CSMD1: variants seen among roughly 807,000 people sequenced by gnomAD.
CSMD1 encodes the protein CUB and Sushi multiple domains 1.
In CSMD1, 213 loss-of-function variants were observed where a neutral mutation model predicts 417.5. The ratio of observed to expected loss-of-function variants is 0.51; its 90% CI spans 0.46 to 0.57. CSMD1 has a LOEUF of 0.57. Ranked by LOEUF, CSMD1 falls within the 20% of genes least tolerant of loss-of-function variation. The pLI, the probability that CSMD1 is intolerant of heterozygous loss-of-function variation, is 0.00. For synonymous variants in CSMD1, 2,862 were observed against 1,736.8 expected (o/e 1.65, Z -16.11); for missense variants, 6,923 against 4,529.7 (o/e 1.53, Z -15.17).
intron 57 of CSMD1, among the ~76,000 whole-genome samples, chr8:2,970,983 T>C (rs1471019979): frequency 1.3e-5 from 2 of 152,154 alleles, no homozygotes; most frequent in Non-Finnish European, 2.9e-5. Context: ...GCTCACTTTT[T>C]CTCCCTCTGT....
At chr8:3,582,699 A>C (rs1800434715) in intron 9 of CSMD1, among the ~76,000 whole-genome samples, 1 of 152,248 alleles carries the variant, frequency 6.6e-6, no homozygotes, top group Admixed American at 6.5e-5. Context: ...AGTATGAAAA[A>C]AAGAAAATAT....
intron 2 of CSMD1, among the ~76,000 whole-genome samples, chr8:4,485,320 C>T (rs1432249736): frequency 3.3e-5 from 5 of 152,166 alleles, no homozygotes; most frequent in South Asian, 2.1e-4. Context: ...TTTTACCAAC[C>T]AAACTCTTCA....
chr8:4,718,441 G>GAATGAA (rs1157757524), intron 1 of CSMD1, among the ~76,000 whole-genome samples: 1 of 152,008 alleles, frequency 6.6e-6, no homozygotes, highest in Non-Finnish European at 1.5e-5. Flanking sequence ...TCTTAAGCAG[G>GAATGAA]AATGAAATCT....
At chr8:3,785,414 AG>A (rs1490978949) in intron 5 of CSMD1, among the ~76,000 whole-genome samples, 1 of 152,206 alleles carries the variant, frequency 6.6e-6, no homozygotes, top group Non-Finnish European at 1.5e-5. Context: ...GTGAGAGGTC[AG>A]GCTAAGCAGC....
intron 29 of CSMD1, among the ~76,000 whole-genome samples, chr8:3,215,423 G>A (rs954168947): frequency 6.6e-6 from 1 of 152,120 alleles, no homozygotes; most frequent in African/African-American, 2.4e-5. Context: ...TACCAGACAT[G>A]GAACTAGGTG....
At chr8:4,828,316 T>C (rs1027116352) in intron 1 of CSMD1, among the ~76,000 whole-genome samples, 2 of 152,204 alleles carry the variant, frequency 1.3e-5, no homozygotes, top group Admixed American at 1.3e-4. Context: ...GTGCTGACTT[T>C]TCTTATAGCC....
rs549511320 is a variant in CSMD1, at chr8:4,645,444, CAAAAA to C, written c.86-7891_86-7887del. On this transcript the variant is annotated intron_variant, in intron 1 of 69. Coordinates refer to ENST00000635120, the MANE Select transcript of CSMD1 (RefSeq NM_033225.6). Reference sequence around the variant, plus strand: ...CAAGACAGCAGGTGTAGTGCAGGGGCAAAAAAAAAAAAAAAAAAAAAAAGGCAAGC... The same window carrying C: ...CAAGACAGCAGGTGTAGTGCAGGGGCAAAAAAAAAAAAAAAAAAGGCAAGC... Among the ~76,000 whole-genome samples the C allele has an allele frequency of 3.4e-3, 126 of 36,852 alleles. 1 individual carries two copies. In the East Asian group the frequency reaches 0.076, roughly 22 times the overall value. The allele number at this position is 36,852 out of a possible 152,430, so 24.2% of individuals were successfully genotyped here. A position where few individuals can be genotyped will look rare whatever the true frequency, so the allele number is the denominator to read the frequency against.
intron 3 of CSMD1, among the ~76,000 whole-genome samples, chr8:4,409,466 GCCTATCTA>G (rs1254102842): frequency 6.6e-6 from 1 of 152,050 alleles, no homozygotes; most frequent in Non-Finnish European, 1.5e-5. Flanking sequence ...CAGCAAGAAT[GCCTATCTA>G]CCTAAGTTGA....
chr8:4,661,950 A>G (rs796219450), intron 1 of CSMD1, among the ~76,000 whole-genome samples: 2 of 152,326 alleles, frequency 1.3e-5, no homozygotes, highest in African/African-American at 4.8e-5. Flanking sequence ...CAGTTTCTAC[A>G]TAGTTACAGA....
intron 26 of CSMD1, among the ~76,000 whole-genome samples, chr8:3,246,632 C>T (rs1350779709): frequency 1.3e-5 from 2 of 152,096 alleles, no homozygotes; most frequent in African/African-American, 2.4e-5. Flanking sequence ...CTGCCCTACC[C>T]AGCTAATTTT....
At chr8:4,105,285 A>G (rs768565293) in intron 3 of CSMD1, among the ~76,000 whole-genome samples, 3 of 152,178 alleles carry the variant, frequency 2.0e-5, no homozygotes, top group Non-Finnish European at 4.4e-5. Context: ...TGGAATTTTC[A>G]TTTTAACTTC....
At chr8:3,462,256 C>T (rs1816553464) in intron 12 of CSMD1, among the ~76,000 whole-genome samples, 1 of 152,140 alleles carries the variant, frequency 6.6e-6, no homozygotes, top group Admixed American at 6.5e-5. Flanking sequence ...GGCCCAATTG[C>T]TTCAGTTTGG....
chr8:4,457,769 C>G (rs1282102486), intron 2 of CSMD1, among the ~76,000 whole-genome samples: 2 of 152,170 alleles, frequency 1.3e-5, no homozygotes, highest in Admixed American at 6.5e-5. Flanking sequence ...CACCTCTTCA[C>G]TGGCTGCTTC....
Position 3,213,323 on chromosome 8 carries a change from A to G in CSMD1, c.4867+1174T>C, listed in dbSNP as rs149891028. Among the ~76,000 whole-genome samples, 25 of 152,306 alleles carry G rather than the reference A, an allele frequency of 1.6e-4. No homozygotes were observed. In the East Asian group the frequency reaches 4.6e-3, roughly 28 times the overall value. The stretch of plus-strand genomic sequence containing the variant: ...ACCTCATTCTTCTTCTTTTTTAAAT[A>G]TATACCATGAAAATGTAAAAGGTAC... On this transcript the variant is annotated intron_variant, in intron 30 of 69. Coordinates refer to ENST00000635120, the MANE Select transcript of CSMD1 (RefSeq NM_033225.6).
At chr8:3,247,090 T>A (rs1056455051) in intron 26 of CSMD1, among the ~76,000 whole-genome samples, 1 of 152,132 alleles carries the variant, frequency 6.6e-6, no homozygotes, top group East Asian at 1.9e-4. Flanking sequence ...AGCACAAATA[T>A]GGTGAGAAGC....
At chr8:3,367,808 T>C (rs80003569) in intron 19 of CSMD1, among the ~76,000 whole-genome samples, 1 of 152,142 alleles carries the variant, frequency 6.6e-6, no homozygotes, top group Non-Finnish European at 1.5e-5. Context: ...ATATGTATAT[T>C]TAAGAAAAAC....
intron 1 of CSMD1, among the ~76,000 whole-genome samples, chr8:4,710,609 A>G (rs1466799132): frequency 6.6e-6 from 1 of 150,858 alleles, no homozygotes; most frequent in Non-Finnish European, 1.5e-5. Context: ...ACTTTGGGAG[A>G]CTCAGATGGG....
intron 5 of CSMD1, among the ~76,000 whole-genome samples, chr8:3,859,297 C>T (rs1243684328): frequency 6.6e-6 from 1 of 152,226 alleles, no homozygotes; most frequent in Non-Finnish European, 1.5e-5. Flanking sequence ...AACACCTATC[C>T]ATGGCAACCT....
chr8:4,952,083 T>C (rs1456924132), intron 1 of CSMD1, among the ~76,000 whole-genome samples: 2 of 151,744 alleles, frequency 1.3e-5, no homozygotes, highest in East Asian at 1.9e-4. Flanking sequence ...TATGCTGCTA[T>C]ATTAATGCAT....
Sources: gnomAD v4.1 joint callset for allele counts (sites outside exome capture counted in the v4.1 genomes callset) on GRCh38, gnomAD v4.1.1 for gene constraint, MANE v1.5 for transcripts, NCBI Gene and HGNC (gene_info 2026-07-23, HGNC 2026-07-21) for gene names.